ZNF25: variants seen among roughly 807,000 people sequenced by gnomAD.
ZNF25 encodes the protein zinc finger protein 25, also known as zinc finger protein 25 (KOX 19).
A neutral mutation model predicts 30.9 loss-of-function variants in ZNF25; 21 were observed. The observed-to-expected ratio is 0.68, with a 90% confidence interval of 0.48 to 0.98. The LOEUF is 0.98. ZNF25 is among the 50% of genes least tolerant of loss of function. ZNF25 has a pLI of 0.00. For missense variants in ZNF25, 501 were observed against 529.9 expected (o/e 0.95, Z 0.54); for synonymous variants, 169 against 181.3 (o/e 0.93, Z 0.55).
Position 37,952,914 on chromosome 10 carries a change from G to A in ZNF25, c.584C>T (p.Thr195Ile). 1 of 1,614,112 alleles carries A rather than the reference G, an allele frequency of 6.2e-7. No individual in the cohort carries two copies. Among genetic ancestry groups the A allele is most frequent in the Non-Finnish European group, 8.5e-7 (1 of 1,180,010 alleles). ...HLSSLSRHLRTHAGEKPYECN... is the reference protein window; with the variant it reads ...HLSSLSRHLRIHAGEKPYECN... ...TTCATAGGGTTTCTCTCCTGCATGGGTTCTCAGATGTCTACTGAGAGATGA... is the reference window on the plus strand; with the variant it reads ...TTCATAGGGTTTCTCTCCTGCATGGATTCTCAGATGTCTACTGAGAGATGA... Residue 195 changes from threonine to isoleucine, a missense_variant, in exon 6 of 6, where the codon ACC becomes ATC. Transcript: ENST00000302609.
At position 37,951,918 on chromosome 10, in the gene ZNF25, T is replaced by G. The variant is rs1243583998; in HGVS notation, c.*209A>C. On this transcript the variant is annotated 3_prime_UTR_variant, in exon 6 of 6. Coordinates refer to ENST00000302609, the MANE Select transcript of ZNF25 (RefSeq NM_145011.4). ...TGCATGACTTCTGCCATCTATATTATCTAATATTTAGAAAAGCCTAAAATA... is the reference window on the plus strand; with the variant it reads ...TGCATGACTTCTGCCATCTATATTAGCTAATATTTAGAAAAGCCTAAAATA... The G allele has an allele frequency of 2.7e-5, 12 of 442,160 alleles. No homozygotes were observed. In the South Asian group the frequency reaches 3.6e-4, roughly 13 times the overall value. The allele number at this position is 442,160 out of a possible 1,614,324, so 27.4% of individuals were successfully genotyped here.
At chr10:37,960,162 G>C (rs955917593) in intron 2 of ZNF25, among the ~76,000 whole-genome samples, 1 of 152,106 alleles carries the variant, frequency 6.6e-6, no homozygotes, top group Non-Finnish European at 1.5e-5. Context: ...GGGTAAGTTG[G>C]GCAGGAGTTA....
rs754884348 is a variant in ZNF25 at position 37,952,493 on chromosome 10, A to C, written c.1005T>G (p.Thr335=). Reference sequence around the variant, plus strand: ...ATTCAAAGGGTTTCTCCCCTGTGTGAGTTCGCTGATGTACTGTGAGGGCTG... The same window carrying C: ...ATTCAAAGGGTTTCTCCCCTGTGTGCGTTCGCTGATGTACTGTGAGGGCTG... ...QKSALTVHQR[T]HTGEKPFECN... The change falls in exon 6 of 6, where the codon ACT becomes ACG. Residue 335 remains threonine, a synonymous_variant. Coordinates refer to ENST00000302609, the MANE Select transcript of ZNF25 (RefSeq NM_145011.4). 1.9e-6 allele frequency: 3 copies of C among 1,598,544 alleles called. No individual in the cohort carries two copies. In the African/African-American group the frequency reaches 4.3e-5, roughly 23 times the overall value.
At chr10:37,970,495 A>G (rs1175373962) in intron 2 of ZNF25, among the ~76,000 whole-genome samples, 1 of 152,240 alleles carries the variant, frequency 6.6e-6, no homozygotes, top group Non-Finnish European at 1.5e-5. Context: ...AGGCATTTAT[A>G]TAAAATCCAT....
At chr10:37,968,475 C>T (rs1043917954) in intron 2 of ZNF25, among the ~76,000 whole-genome samples, 9 of 152,058 alleles carry the variant, frequency 5.9e-5, no homozygotes, top group African/African-American at 2.2e-4. Flanking sequence ...CCTGCCTCAG[C>T]CTCCCAAGTA....
intron 2 of ZNF25, among the ~76,000 whole-genome samples, chr10:37,967,029 A>G (rs2063224385): frequency 6.6e-6 from 1 of 152,146 alleles, no homozygotes; most frequent in African/African-American, 2.4e-5. Context: ...ACCAAAAGAG[A>G]GCTGGCTGGC....
chr10:37,957,396 T>C, intron 3 of ZNF25, 24 bp downstream of exon 3: 2 of 1,608,392 alleles, frequency 1.2e-6, no homozygotes, highest in Non-Finnish European at 1.7e-6. Flanking sequence ...TACTGGGATT[T>C]ACACCTGGGG....
rs376733408 is a variant in ZNF25, at chr10:37,953,187, T to A, written c.311A>T (p.Glu104Val). Residue 104 changes from glutamate to valine, a missense_variant, in exon 6 of 6, where the codon GAA (glutamate) becomes GTA (valine). Physicochemically the swap from Glu to Val is moderately radical, Grantham distance 121. Coordinates refer to ENST00000302609, the MANE Select transcript of ZNF25 (RefSeq NM_145011.4). The part of the protein sequence containing the change: ...ESQAGNSRNG[E>V]LTKHQKTHTT... ...ATGAGTTTTCTGATGTTTTGTGAGT[T>A]CTCCATTCCTAGACAGAAAGTTCCA... 1.6e-5 allele frequency: 26 copies of A among 1,578,816 alleles called. No individual in the cohort carries two copies. Among genetic ancestry groups the A allele is most frequent in the Non-Finnish European group, 2.2e-5 (26 of 1,168,886 alleles).
intron 2 of ZNF25, among the ~76,000 whole-genome samples, 160 bp from the exon 3 acceptor site, chr10:37,957,706 T>C (rs2062619667): frequency 6.6e-6 from 1 of 152,136 alleles, no homozygotes. Context: ...AGAAGGAATA[T>C]TTGTTCATTA....
In ZNF25 at chr10:37,951,845, C is replaced by T; in HGVS notation, c.*282G>A. 1 of 303,824 alleles carries T rather than the reference C, an allele frequency of 3.3e-6. No individual in the cohort carries two copies. Among genetic ancestry groups the T allele is most frequent in the Non-Finnish European group, 6.0e-6 (1 of 165,776 alleles). The allele number at this position is 303,824 out of a possible 1,614,324, so 18.8% of individuals were successfully genotyped here. A position where few individuals can be genotyped will look rare whatever the true frequency, so the allele number is the denominator to read the frequency against. ...TTTCTCCTGTGTGACTTCTATGTTG[C>T]AAAACAAAAGTATGACTTCTGAAAG... On this transcript the variant is annotated 3_prime_UTR_variant, in exon 6 of 6. Coordinates refer to ENST00000302609, the MANE Select transcript of ZNF25 (RefSeq NM_145011.4).
intron 4 of ZNF25, among the ~76,000 whole-genome samples, chr10:37,954,996 A>G (rs998655307): frequency 2.6e-5 from 4 of 152,074 alleles, no homozygotes; most frequent in African/African-American, 9.7e-5. Flanking sequence ...TCTACTAAAA[A>G]TACAAAAATT....
At position 37,957,006 on chromosome 10, in the gene ZNF25, T is replaced by C. The variant is rs748432807; in HGVS notation, c.238+14A>G. On this transcript the variant is annotated intron_variant, in intron 4 of 5. Coordinates refer to ENST00000302609, the MANE Select transcript of ZNF25 (RefSeq NM_145011.4). Reference sequence around the variant, plus strand: ...ACTCACCAGTAACATGGGATATAATTTCTTCTAACTCACCAGGGAAGCCCC... The same window carrying C: ...ACTCACCAGTAACATGGGATATAATCTCTTCTAACTCACCAGGGAAGCCCC... 1 of 1,607,870 alleles carries C rather than the reference T, an allele frequency of 6.2e-7. No individual in the cohort carries two copies. The highest frequency in any genetic ancestry group is 8.5e-7 in the Non-Finnish European group (1 of 1,174,506).
intron 2 of ZNF25, among the ~76,000 whole-genome samples, chr10:37,969,447 T>G (rs113960772): frequency 2.1e-3 from 327 of 152,344 alleles, no homozygotes; most frequent in Non-Finnish European, 4.1e-3. Flanking sequence ...AAAGGAATGA[T>G]GTACTGATAC....
intron 2 of ZNF25, among the ~76,000 whole-genome samples, chr10:37,963,686 A>C (rs1308030575): frequency 2.0e-5 from 3 of 152,174 alleles, no homozygotes; most frequent in African/African-American, 7.2e-5. Flanking sequence ...TGTTTAAAAG[A>C]GTCTGGCACC....
intron 2 of ZNF25, among the ~76,000 whole-genome samples, chr10:37,962,370 T>C (rs932535560): frequency 3.3e-5 from 5 of 152,188 alleles, no homozygotes; most frequent in African/African-American, 1.2e-4. Context: ...CTATTTTGTA[T>C]ACTAAACTGT....
chr10:37,960,089 T>C (rs1296559480), intron 2 of ZNF25, among the ~76,000 whole-genome samples: 1 of 152,070 alleles, frequency 6.6e-6, no homozygotes, highest in Non-Finnish European at 1.5e-5. Context: ...TAATTTTTTA[T>C]AAACTAACAT....
At chr10:37,970,642 T>C (rs1475241780) in intron 2 of ZNF25, among the ~76,000 whole-genome samples, 1 of 152,186 alleles carries the variant, frequency 6.6e-6, no homozygotes, top group Admixed American at 6.5e-5. Flanking sequence ...AAATTCAATG[T>C]TTTCTACAGT....
At chr10:37,974,739 G>A (rs2063702970) in intron 1 of ZNF25, among the ~76,000 whole-genome samples, 1 of 152,136 alleles carries the variant, frequency 6.6e-6, no homozygotes, top group Non-Finnish European at 1.5e-5. Flanking sequence ...ATTACCATAT[G>A]ATCTAGCAAT....
rs2063508253 is a variant in ZNF25 at position 37,971,808 on chromosome 10, C to G, written c.-85-1G>C. 2 of 1,586,812 alleles carry G rather than the reference C, an allele frequency of 1.3e-6. No individual in the cohort carries two copies. The highest frequency in any genetic ancestry group is 1.7e-4 in the Middle Eastern group (1 of 6,024). On this transcript the variant is annotated splice_acceptor_variant, in intron 1 of 5. Coordinates refer to ENST00000302609, the MANE Select transcript of ZNF25 (RefSeq NM_145011.4). LOFTEE classifies it low-confidence loss of function (5UTR_SPLICE). ...CTTAGCTGGCAGCCCCAGGAATCAC[C>G]TGTGAGAAATTTCCATACAACATTT... is the stretch of plus-strand genomic sequence containing the variant.
Sources: allele counts gnomAD v4.1 joint callset (sites outside exome capture counted in the v4.1 genomes callset), GRCh38; gene constraint gnomAD v4.1.1; transcripts MANE v1.5; gene names NCBI Gene and HGNC (gene_info 2026-07-23, HGNC 2026-07-21).